The following HMCN2 variants were observed in gnomAD, a reference collection of about 807,000 sequenced individuals.
HMCN2 encodes hemicentin-2.
Under a neutral mutation model 377.5 loss-of-function variants are expected in HMCN2, and 325 were observed. The ratio of observed to expected loss-of-function variants is 0.86; its 90% CI spans 0.79 to 0.94. The LOEUF (loss-of-function observed/expected upper bound fraction) is 0.94, where lower values mean the gene tolerates loss of function less well. HMCN2 is among the 40% of genes least tolerant of loss of function. The pLI is 0.00. For synonymous variants in HMCN2, 2,007 were observed against 2,046.8 expected (o/e 0.98, Z 0.53); for missense variants, 4,543 against 4,725.3 (o/e 0.96, Z 1.13).
intron 4 of HMCN2, among the ~76,000 whole-genome samples, chr9:130,287,884 G>A (rs1425315501): frequency 6.6e-6 from 1 of 152,232 alleles, no homozygotes; most frequent in Non-Finnish European, 1.5e-5. Context: ...CTCTGGGAGA[G>A]GGTTTTGTGT....
chr9:130,356,067 C>A, intron 33 of HMCN2, 21 bp from the exon 34 acceptor site: 2 of 1,248,402 alleles, frequency 1.6e-6, no homozygotes, highest in Non-Finnish European at 2.1e-6. Context: ...GTTGACACGC[C>A]CCCCTCCCTA....
intron 21 of HMCN2, among the ~76,000 whole-genome samples, chr9:130,326,222 TTCTGCTTGGAATGCTGTTCCCCCACC>T (rs1404214229): frequency 2.0e-5 from 3 of 152,238 alleles, no homozygotes; most frequent in African/African-American, 7.2e-5. Flanking sequence ...ATGTAGTTCC[TTCTGCTTGGAATGCTGTTCCCCCACC>T]TCTGGGCCCA....
chr9:130,359,696 G>A (rs968432251), intron 37 of HMCN2, among the ~76,000 whole-genome samples: 4 of 152,156 alleles, frequency 2.6e-5, no homozygotes, highest in African/African-American at 7.2e-5. Context: ...GGACCTCAGA[G>A]TCACCATCTG....
At chr9:130,321,098 G>A (rs1306260477) in intron 18 of HMCN2, among the ~76,000 whole-genome samples, 195 bp downstream of exon 18, 1 of 152,086 alleles carries the variant, frequency 6.6e-6, no homozygotes, top group Non-Finnish European at 1.5e-5. Context: ...CTAAAGTCCC[G>A]CCGGCTGTCA....
At chr9:130,299,502 G>A (rs1836355536) in intron 8 of HMCN2, among the ~76,000 whole-genome samples, 1 of 152,024 alleles carries the variant, frequency 6.6e-6, no homozygotes, top group South Asian at 2.1e-4. Context: ...AAGTCATCAA[G>A]TCAACTATCC....
intron 80 of HMCN2, among the ~76,000 whole-genome samples, chr9:130,404,262 G>A (rs577964389): frequency 1.4e-4 from 22 of 152,298 alleles, no homozygotes; most frequent in African/African-American, 3.6e-4. Flanking sequence ...AGTATGGGCC[G>A]GTCATGTCTT....
rs763050720 is a variant in HMCN2, at chr9:130,355,008, G to T, written c.5110G>T (p.Gly1704Trp). 7.7e-6 allele frequency: 10 copies of T among 1,292,894 alleles called. No homozygotes were observed. 80.1% of individuals were successfully genotyped at this position (1,292,894 alleles called of 1,614,324 possible). A position where few individuals can be genotyped will look rare whatever the true frequency, so the allele number is the denominator to read the frequency against. ...LYSCVASSPA[G>W]EAVLQYSVEV... The stretch of plus-strand genomic sequence containing the variant: ...CAGCTGTGTGGCCAGCAGTCCTGCC[G>T]GGGAAGCCGTCCTGCAGTACTCCGT... The change falls in exon 32 of 98, where the codon GGG (glycine) becomes TGG (tryptophan). Residue 1704 changes from glycine to tryptophan, a missense_variant. Gly to Trp is a radical substitution (Grantham distance 184, BLOSUM62 -2). Around this residue, in one of 5 missense-constraint regions of HMCN2, gnomAD observed 1,032 missense variants for 1,285.1 expected, o/e 0.80. Transcript: ENST00000683500.
At chr9:130,401,470 C>T (rs565630729) in intron 77 of HMCN2, among the ~76,000 whole-genome samples, 30 of 152,206 alleles carry the variant, frequency 2.0e-4, no homozygotes, top group Admixed American at 5.2e-4. Context: ...ATTACAGGCA[C>T]CTGCCATCAT....
chr9:130,370,838 G>A (rs1005119260), intron 45 of HMCN2, 126 bp from the exon 46 acceptor site: 4 of 486,112 alleles, frequency 8.2e-6, no homozygotes, highest in African/African-American at 2.1e-5. Flanking sequence ...CTCTGCTCTC[G>A]TCACTTCTGC....
At chr9:130,353,858 G>A (rs1193249087) in intron 31 of HMCN2, among the ~76,000 whole-genome samples, 1 of 152,178 alleles carries the variant, frequency 6.6e-6, no homozygotes, top group Non-Finnish European at 1.5e-5. Context: ...CAGGGCCCCG[G>A]TGAAGTGTGA....
intron 1 of HMCN2, among the ~76,000 whole-genome samples, chr9:130,275,680 C>A (rs1834652301): frequency 6.6e-6 from 1 of 152,192 alleles, no homozygotes; most frequent in Non-Finnish European, 1.5e-5. Flanking sequence ...GAACTCCTGA[C>A]CTCAAGTGAT....
intron 86 of HMCN2, among the ~76,000 whole-genome samples, chr9:130,421,993 C>G (rs953132224): frequency 6.6e-6 from 1 of 152,248 alleles, no homozygotes; most frequent in Non-Finnish European, 1.5e-5. Flanking sequence ...GGAAGCACCC[C>G]CCTGTGCCTG....
At chr9:130,430,196 C>T in intron 94 of HMCN2, 88 bp from the exon 95 acceptor site, 1 of 1,125,448 alleles carries the variant, frequency 8.9e-7, no homozygotes, top group South Asian at 1.6e-5. Flanking sequence ...GGAATGCCAA[C>T]AAGAGAGAAG....
Position 130,304,438 on chromosome 9 carries a change from A to G in HMCN2, c.1544-292A>G, listed in dbSNP as rs1461710433. On this transcript the variant is annotated intron_variant, in intron 10 of 97. Transcript: ENST00000683500. The surrounding 1 kb of genome is among the most constrained non-coding windows in gnomAD (Gnocchi z 4.3). Reference sequence around the variant, plus strand: ...GCATCTTCAGCTCGGAGGCATGAAGATGGGTGTCCGGCTTGTTGCACATTG... The same window carrying G: ...GCATCTTCAGCTCGGAGGCATGAAGGTGGGTGTCCGGCTTGTTGCACATTG... Among the ~76,000 whole-genome samples, 2 of 152,134 alleles carry G rather than the reference A, an allele frequency of 1.3e-5. No individual in the cohort carries two copies. The highest frequency in any genetic ancestry group is 4.8e-5 in the African/African-American group (2 of 41,428).
rs1298356846 is a variant in HMCN2, at chr9:130,414,951, A to G, written c.12962-3821A>G. 6.6e-6 allele frequency among the ~76,000 whole-genome samples: 1 copy of G among 151,898 alleles called. No homozygotes were observed. Among genetic ancestry groups the G allele is most frequent in the East Asian group, 1.9e-4 (1 of 5,156 alleles). The stretch of plus-strand genomic sequence containing the variant: ...GTCACCACTGTCACCACTGAGTGGG[A>G]AGCCCCTCGCCTACACAGGCCGAGT... On this transcript the variant is annotated intron_variant, in intron 85 of 97. Transcript: ENST00000683500. The surrounding 1 kb of genome is among the most constrained non-coding windows in gnomAD (Gnocchi z 4.4).
chr9:130,376,184 T>C (rs1841365923), intron 51 of HMCN2, among the ~76,000 whole-genome samples, 195 bp downstream of exon 51: 1 of 152,164 alleles, frequency 6.6e-6, no homozygotes, highest in Non-Finnish European at 1.5e-5. Flanking sequence ...CATGTGCCAC[T>C]TGGGCTCCCA....
At chr9:130,322,845 T>A (rs999978356) in intron 19 of HMCN2, among the ~76,000 whole-genome samples, 1 of 152,164 alleles carries the variant, frequency 6.6e-6, no homozygotes, top group African/African-American at 2.4e-5. Flanking sequence ...ACATTTCAAA[T>A]TAAATTTGGT....
chr9:130,425,815 G>C lies in HMCN2; in HGVS notation c.13770G>C (p.Arg4590=). Residue 4590 remains arginine (R), a synonymous_variant, in exon 90 of 98, where the codon CGG becomes CGC. Coordinates refer to ENST00000683500, the MANE Select transcript of HMCN2 (RefSeq NM_001291815.2). Reference sequence around the variant, plus strand: ...ACAGCATCCAGTACAACGCGGCCCGGGGCCCCCAGCCCCAGCTGGTGCAGC... The same window carrying C: ...ACAGCATCCAGTACAACGCGGCCCGCGGCCCCCAGCCCCAGCTGGTGCAGC... ...CNHSIQYNAA[R]GPQPQLVQHL... 5 of 1,550,554 alleles carry C rather than the reference G, an allele frequency of 3.2e-6. No homozygotes were observed. Among genetic ancestry groups the C allele is most frequent in the Middle Eastern group, 3.3e-4 (2 of 5,992 alleles).
chr9:130,300,742 T>A (rs1219046801), intron 8 of HMCN2, among the ~76,000 whole-genome samples: 1 of 152,226 alleles, frequency 6.6e-6, no homozygotes, highest in Non-Finnish European at 1.5e-5. Flanking sequence ...CCATGGTCTG[T>A]TGGTTCCCGT....
Sources: allele counts gnomAD v4.1 joint callset (sites outside exome capture counted in the v4.1 genomes callset), GRCh38; gene constraint gnomAD v4.1.1; regional missense constraint gnomAD v4.1.1; non-coding constraint Gnocchi (gnomAD v3.1); transcripts MANE v1.5; gene names NCBI Gene and HGNC (gene_info 2026-07-23, HGNC 2026-07-21).